ASTL: variants seen among roughly 807,000 people sequenced by gnomAD.
ASTL encodes the protein astacin like metalloendopeptidase.
Under a neutral mutation model 36.7 loss-of-function variants are expected in ASTL, and 27 were observed. The ratio of observed to expected loss-of-function variants is 0.73; its 90% CI spans 0.54 to 1.01. The LOEUF is 1.01. ASTL is among the 50% of genes least tolerant of loss of function. The probability of loss-of-function intolerance (pLI) is 0.00; values close to 1 mark genes in which losing one functional copy is unlikely to be tolerated. For missense variants in ASTL, 524 were observed against 572.8 expected, an observed-to-expected ratio of 0.91 and a Z score of 0.87; for synonymous variants, 222 against 228.1, an observed-to-expected ratio of 0.97 and a Z score of 0.24.
At chr2:96,138,062 T>C (rs1682341853) in intron 1 of ASTL, among the ~76,000 whole-genome samples, 1 of 152,140 alleles carries the variant, frequency 6.6e-6, no homozygotes, top group Admixed American at 6.5e-5. Flanking sequence ...GCCCAGGCTC[T>C]TGGACAATGG....
At chr2:96,125,293 C>T (rs1682043516) in intron 8 of ASTL, among the ~76,000 whole-genome samples, 2 of 152,194 alleles carry the variant, frequency 1.3e-5, no homozygotes, top group African/African-American at 4.8e-5. Flanking sequence ...AGCGGAGGCA[C>T]ATCTTCTCCT....
Position 96,138,343 on chromosome 2 carries a change from G to T in ASTL, c.55+39C>A, listed in dbSNP as rs1351430665. 2.5e-6 allele frequency: 4 copies of T among 1,577,644 alleles called. No individual in the cohort carries two copies. The Admixed American group carries it at 5.3e-5, about 21-fold the overall frequency. ...CTAGCCTCTCCCCAGCTTTCTCCAG[G>T]CTGGAGCCAGCAGCAGGAGGGACAG... On this transcript the variant is annotated intron_variant, in intron 1 of 8. Coordinates refer to ENST00000342380, the MANE Select transcript of ASTL (RefSeq NM_001002036.4).
At position 96,137,722 on chromosome 2, in the gene ASTL, A is replaced by G. The variant is rs773621119; in HGVS notation, c.56-22T>C. 9 of 1,600,206 alleles carry G rather than the reference A, an allele frequency of 5.6e-6. No homozygotes were observed. The African/African-American group carries it at 1.1e-4, about 19-fold the overall frequency. Reference sequence around the variant, plus strand: ...ACACCTGGTCCAGACAGACAGGGGCATACACAGATGCCTGGAGCACCCACC... The same window carrying G: ...ACACCTGGTCCAGACAGACAGGGGCGTACACAGATGCCTGGAGCACCCACC... On this transcript the variant is annotated intron_variant, in intron 1 of 8. Coordinates refer to ENST00000342380, the MANE Select transcript of ASTL (RefSeq NM_001002036.4).
At chr2:96,129,747 C>T in intron 8 of ASTL, 77 bp downstream of exon 8, 2 of 1,406,170 alleles carry the variant, frequency 1.4e-6, no homozygotes, top group Non-Finnish European at 1.9e-6. Context: ...CATCTCCCTC[C>T]TTGTCACCCT....
chr2:96,135,440 C>T (rs1353271448), intron 2 of ASTL, 28 bp from the exon 3 acceptor site: 2 of 1,609,496 alleles, frequency 1.2e-6, no homozygotes, highest in Non-Finnish European at 1.7e-6. Context: ...ACGTGTTGGC[C>T]CATGTCCCCC....
intron 2 of ASTL, among the ~76,000 whole-genome samples, chr2:96,136,159 G>A (rs1682295449): frequency 6.6e-6 from 1 of 152,218 alleles, no homozygotes; most frequent in Non-Finnish European, 1.5e-5. Context: ...GAGAAGGCAG[G>A]GAAGAACCCA....
At position 96,132,874 on chromosome 2, in the gene ASTL, A is replaced by G. The variant is rs1444561494; in HGVS notation, c.456-153T>C. On this transcript the variant is annotated intron_variant, in intron 5 of 8. Transcript: ENST00000342380. This position sits in a 1 kb window ranked among gnomAD's most constrained non-coding sequence, Gnocchi z 5.4. The stretch of plus-strand genomic sequence containing the variant: ...TCTAGTCTCAGGTTCACCATTCTCC[A>G]GGCCCCTTTACTGCCTGGACTTCTG... Among the ~76,000 whole-genome samples, 1 of 152,050 alleles carries G rather than the reference A, an allele frequency of 6.6e-6. No individual in the cohort carries two copies.
At chr2:96,133,670 C>T in intron 4 of ASTL, 128 bp from the exon 5 acceptor site, 1 of 730,036 alleles carries the variant, frequency 1.4e-6, no homozygotes. Flanking sequence ...TTAGTGGTGC[C>T]AGGAAGAAGC....
chr2:96,130,081 AGAG>A lies in ASTL; in HGVS notation c.699_701del (p.Ser234del), dbSNP rs760230433. ...GTCCTCACCTCCCATAGTGCATCACAGAGGAGTAGTCATAGGGCGTCAGCATGT... is the reference window on the plus strand; with the variant it reads ...GTCCTCACCTCCCATAGTGCATCACAGAGTAGTCATAGGGCGTCAGCATGT... On this transcript the variant is annotated inframe_deletion, in exon 7 of 9. Coordinates refer to ENST00000342380, the MANE Select transcript of ASTL (RefSeq NM_001002036.4). 1.9e-5 allele frequency: 30 copies of A among 1,613,968 alleles called. 1 individual carries two copies. In the South Asian group the frequency reaches 2.7e-4, roughly 15 times the overall value.
intron 2 of ASTL, among the ~76,000 whole-genome samples, chr2:96,135,619 G>A (rs1294632851): frequency 6.6e-6 from 1 of 152,258 alleles, no homozygotes; most frequent in African/African-American, 2.4e-5. Context: ...GTTGATGTTT[G>A]AGAATGTCAG....
At chr2:96,133,656 C>G (rs1484971265) in intron 4 of ASTL, 114 bp from the exon 5 acceptor site, 1 of 806,984 alleles carries the variant, frequency 1.2e-6, no homozygotes, top group East Asian at 2.5e-5. Context: ...CAAGAAAGGG[C>G]AGCTTAGTGG....
chr2:96,127,732 C>T (rs931380142), intron 8 of ASTL, among the ~76,000 whole-genome samples: 9 of 152,054 alleles, frequency 5.9e-5, no homozygotes, highest in African/African-American at 2.2e-4. Flanking sequence ...ACACCACTAT[C>T]CCACTAATTT....
Position 96,134,068 on chromosome 2 carries a change from GAGC to G in ASTL, c.244-13_244-11del. On this transcript the variant is annotated splice_polypyrimidine_tract_variant and intron_variant, in intron 3 of 8. Transcript: ENST00000342380. ...GCAGTCGGAAGGGACTCTGAGGAGA[GAGC>G]AGCAGTTCAACCCCTGGGGACAGAG... 6.2e-7 allele frequency: 1 copy of G among 1,604,912 alleles called. No individual in the cohort carries two copies. The highest frequency in any genetic ancestry group is 8.5e-7 in the Non-Finnish European group (1 of 1,171,932).
chr2:96,137,554 G>A (rs531981555), intron 2 of ASTL, 21 bp downstream of exon 2: 21 of 1,609,618 alleles, frequency 1.3e-5, no homozygotes, highest in Non-Finnish European at 1.8e-5. Flanking sequence ...TCCAGGCCGT[G>A]AGAAGATGTA....
rs547207590 is a variant in ASTL at position 96,124,148 on chromosome 2, T to C, written c.998A>G (p.Gln333Arg). The C allele has an allele frequency of 1.9e-6, 3 of 1,568,668 alleles. No homozygotes were observed. The African/African-American group carries it at 4.1e-5, about 21-fold the overall frequency. The change falls in exon 9 of 9, where the codon CAG (glutamine) becomes CGG (arginine). Residue 333 changes from glutamine to arginine, a missense_variant. Physicochemically the swap from Gln to Arg is conservative, Grantham distance 43. Transcript: ENST00000342380. This position sits in a 1 kb window ranked among gnomAD's most constrained non-coding sequence, Gnocchi z 4.1. ...PDPSGSSAGG[Q>R]PVPAGPGESP... ...CTCCCCAGGCCCTGCAGGAACGGGC[T>C]GGCCTCCCGCACTGGAACCACTGGG... is the stretch of plus-strand genomic sequence containing the variant.
chr2:96,135,434 G>A lies in ASTL; in HGVS notation c.182-22C>T, dbSNP rs908684384. On this transcript the variant is annotated intron_variant, in intron 2 of 8. Coordinates refer to ENST00000342380, the MANE Select transcript of ASTL (RefSeq NM_001002036.4). ...AGCCCTGGGAAAGGAAGAAGGACGTGTTGGCCCATGTCCCCCAGAACACTG... is the reference window on the plus strand; with the variant it reads ...AGCCCTGGGAAAGGAAGAAGGACGTATTGGCCCATGTCCCCCAGAACACTG... The A allele has an allele frequency of 1.5e-5, 24 of 1,612,108 alleles. 1 individual carries two copies. The African/African-American group carries it at 2.8e-4, about 19-fold the overall frequency.
rs1424398308 is a variant in ASTL at position 96,124,478 on chromosome 2, A to C, written c.875-207T>G. Reference sequence around the variant, plus strand: ...TCCCTGCCTGGCCCCTGAAGTCACCATCAGAATGTCAGTCCACTCAGGCTT... The same window carrying C: ...TCCCTGCCTGGCCCCTGAAGTCACCCTCAGAATGTCAGTCCACTCAGGCTT... On this transcript the variant is annotated intron_variant, in intron 8 of 8. Transcript: ENST00000342380. The surrounding 1 kb of genome is among the most constrained non-coding windows in gnomAD (Gnocchi z 4.1). Among the ~76,000 whole-genome samples the C allele has an allele frequency of 2.0e-5, 3 of 151,950 alleles. No individual in the cohort carries two copies. Among genetic ancestry groups the C allele is most frequent in the South Asian group, 2.1e-4 (1 of 4,812 alleles).
chr2:96,131,096 G>A (rs973792563), intron 6 of ASTL, among the ~76,000 whole-genome samples: 1 of 152,184 alleles, frequency 6.6e-6, no homozygotes, highest in Non-Finnish European at 1.5e-5. Flanking sequence ...GTTTTAGCCT[G>A]TTTTATCATT....
At chr2:96,138,041 ACTCT>A (rs1682341622) in intron 1 of ASTL, among the ~76,000 whole-genome samples, 1 of 151,780 alleles carries the variant, frequency 6.6e-6, no homozygotes, top group South Asian at 2.1e-4. Flanking sequence ...CCACCTTATG[ACTCT>A]CTCTCAGCCC....
Sources: gnomAD v4.1 joint callset for allele counts (sites outside exome capture counted in the v4.1 genomes callset) on GRCh38, gnomAD v4.1.1 for gene constraint, Gnocchi (gnomAD v3.1) non-coding constraint, MANE v1.5 for transcripts, NCBI Gene and HGNC (gene_info 2026-07-23, HGNC 2026-07-21) for gene names.